THSD4: variants seen among roughly 807,000 people sequenced by gnomAD.
THSD4 encodes the protein thrombospondin type 1 domain containing 4.
In THSD4, 69 loss-of-function variants were observed where a neutral mutation model predicts 119.0. The ratio of observed to expected loss-of-function variants is 0.58; its 90% CI spans 0.48 to 0.71. THSD4 has a LOEUF of 0.71. Among genes scored for constraint, THSD4 ranks in the 30% least tolerant of loss-of-function variants. The pLI is 0.00. For synonymous variants in THSD4, 524 were observed against 540.4 expected (o/e 0.97, Z 0.42); for missense variants, 1,393 against 1,391.1 (o/e 1.00, Z -0.02).
intron 7 of THSD4, among the ~76,000 whole-genome samples, chr15:71,465,869 C>T (rs1294192311): frequency 1.3e-5 from 2 of 152,282 alleles, no homozygotes; most frequent in Middle Eastern, 3.4e-3. Context: ...CATTTATTGG[C>T]ACTTCCATGG....
intron 8 of THSD4, among the ~76,000 whole-genome samples, chr15:71,706,565 T>C (rs1434239681): frequency 6.6e-6 from 1 of 152,138 alleles, no homozygotes; most frequent in Admixed American, 6.5e-5. Flanking sequence ...GTGGTGAGCA[T>C]AGCCACCTTC....
At chr15:71,453,771 A>G (rs1236078751) in intron 7 of THSD4, among the ~76,000 whole-genome samples, 3 of 152,228 alleles carry the variant, frequency 2.0e-5, no homozygotes, top group African/African-American at 7.2e-5. Context: ...ACATGTAAAA[A>G]ATGGATTGTG....
intron 7 of THSD4, among the ~76,000 whole-genome samples, chr15:71,616,170 T>C (rs2050315757): frequency 6.6e-6 from 1 of 152,092 alleles, no homozygotes; most frequent in South Asian, 2.1e-4. Context: ...TAAAAAAAAA[T>C]CTGTTGAACA....
intron 6 of THSD4, among the ~76,000 whole-genome samples, chr15:71,264,771 A>C (rs2044444800): frequency 2.0e-5 from 3 of 152,284 alleles, no homozygotes; most frequent in Middle Eastern, 3.4e-3. Flanking sequence ...AAGGACACTG[A>C]GAAGGTGATC....
chr15:71,607,904 G>A (rs977379031), intron 7 of THSD4, among the ~76,000 whole-genome samples: 1 of 152,130 alleles, frequency 6.6e-6, no homozygotes, highest in Middle Eastern at 3.2e-3. Context: ...TTGTTTCAGT[G>A]TAGTTGTGAT....
intron 8 of THSD4, among the ~76,000 whole-genome samples, chr15:71,705,221 A>T (rs2052371580): frequency 6.6e-6 from 1 of 152,196 alleles, no homozygotes; most frequent in East Asian, 1.9e-4. Flanking sequence ...AGCCCACAGC[A>T]GGTGTCCCTC....
At chr15:71,590,112 G>A (rs956132246) in intron 7 of THSD4, among the ~76,000 whole-genome samples, 2 of 139,158 alleles carry the variant, frequency 1.4e-5, no homozygotes, top group South Asian at 4.6e-4. Flanking sequence ...GGAGAGAGGG[G>A]AATGGAGTTG....
chr15:71,501,509 C>G (rs1232790232), intron 7 of THSD4, among the ~76,000 whole-genome samples: 1 of 152,174 alleles, frequency 6.6e-6, no homozygotes, highest in Non-Finnish European at 1.5e-5. Context: ...TTTTCCAATT[C>G]TGCCAACATG....
At chr15:71,301,923 G>C (rs972922296) in intron 6 of THSD4, among the ~76,000 whole-genome samples, 1 of 152,154 alleles carries the variant, frequency 6.6e-6, no homozygotes, top group African/African-American at 2.4e-5. Context: ...GCCCTTTAGT[G>C]TGGGGGGCTC....
intron 12 of THSD4, 68 bp from the exon 13 acceptor site, chr15:71,746,770 C>T (rs753493213): frequency 4.1e-5 from 62 of 1,498,986 alleles, no homozygotes; most frequent in Middle Eastern, 1.7e-4. Context: ...TACGCTGCTG[C>T]GGGCTCACGC....
At chr15:71,151,082 G>C (rs1188665271) in intron 2 of THSD4, among the ~76,000 whole-genome samples, 1 of 152,110 alleles carries the variant, frequency 6.6e-6, no homozygotes. Context: ...CTGGGAGAGG[G>C]ACCACTGTTT....
At chr15:71,190,595 A>T (rs2043662649) in intron 3 of THSD4, among the ~76,000 whole-genome samples, 1 of 152,088 alleles carries the variant, frequency 6.6e-6, no homozygotes, top group Non-Finnish European at 1.5e-5. Context: ...CTTTTCTTCT[A>T]TGCATCTCTT....
At chr15:71,235,053 A>G (rs1170682789) in intron 4 of THSD4, among the ~76,000 whole-genome samples, 1 of 152,250 alleles carries the variant, frequency 6.6e-6, no homozygotes. Flanking sequence ...ACGTGTGGTC[A>G]TACGAAAGTA....
At chr15:71,767,836 G>A (rs71395028) in intron 16 of THSD4, among the ~76,000 whole-genome samples, 3,893 of 152,270 alleles carry the variant, frequency 0.026, 74 homozygotes, top group Non-Finnish European at 0.038. Flanking sequence ...AGGCAGCAAG[G>A]AAGTTCTTAA....
At chr15:71,730,233 A>G (rs543709866) in intron 9 of THSD4, 15 of 152,298 alleles carry the variant, frequency 9.8e-5, no homozygotes, top group Admixed American at 7.8e-4. Flanking sequence ...CAGCTGGTCA[A>G]TAGGAGAGCT....
chr15:71,321,235 T>G (rs1381204659), intron 6 of THSD4, among the ~76,000 whole-genome samples: 1 of 152,134 alleles, frequency 6.6e-6, no homozygotes. Flanking sequence ...GTACTCCCTC[T>G]GTAAAACTTT....
At chr15:71,273,298 A>G (rs1567177695) in intron 6 of THSD4, among the ~76,000 whole-genome samples, 2 of 152,246 alleles carry the variant, frequency 1.3e-5, no homozygotes, top group South Asian at 2.1e-4. Flanking sequence ...GCACAGAAAG[A>G]TGAATATTAG....
intron 4 of THSD4, among the ~76,000 whole-genome samples, chr15:71,221,867 C>T (rs1444360295): frequency 6.6e-6 from 1 of 151,970 alleles, no homozygotes; most frequent in African/African-American, 2.4e-5. Context: ...TTTACCTTCC[C>T]ACAACAGTGC....
chr15:71,576,864 T>C (rs1440237890), intron 7 of THSD4, among the ~76,000 whole-genome samples: 4 of 152,236 alleles, frequency 2.6e-5, no homozygotes, highest in African/African-American at 9.6e-5. Flanking sequence ...AGAACAGCTT[T>C]GTTATACCCT....
Sources: allele counts gnomAD v4.1 joint callset (sites outside exome capture counted in the v4.1 genomes callset), GRCh38; gene constraint gnomAD v4.1.1; transcripts MANE v1.5; gene names NCBI Gene and HGNC (gene_info 2026-07-23, HGNC 2026-07-21).